CAMK1D: variants seen among roughly 807,000 people sequenced by gnomAD.
CAMK1D encodes the protein calcium/calmodulin-dependent protein kinase type 1D.
CAMK1D carries 9 observed loss-of-function variants against 47.7 expected under a neutral mutation model. That is an observed-to-expected ratio of 0.19 (90% CI 0.11 to 0.33). The LOEUF is 0.33. Among genes scored for constraint, CAMK1D ranks in the 10% least tolerant of loss-of-function variants. The probability of loss-of-function intolerance (pLI) is 1.00; values close to 1 mark genes in which losing one functional copy is unlikely to be tolerated. For missense variants in CAMK1D, 291 were observed against 488.7 expected (o/e 0.60, Z 3.81); for synonymous variants, 184 against 184.9 (o/e 0.99, Z 0.04).
At chr10:12,736,202 C>T (rs1432776180) in intron 3 of CAMK1D, among the ~76,000 whole-genome samples, 2 of 152,244 alleles carry the variant, frequency 1.3e-5, no homozygotes, top group Non-Finnish European at 2.9e-5. Flanking sequence ...ACCATGCTCA[C>T]TTGCCTCCTC....
At chr10:12,636,528 C>G (rs1164745028) in intron 2 of CAMK1D, among the ~76,000 whole-genome samples, 2 of 152,154 alleles carry the variant, frequency 1.3e-5, no homozygotes, top group Non-Finnish European at 2.9e-5. Flanking sequence ...CAGTCTCACT[C>G]TGTTGCCCAG....
At chr10:12,655,513 G>A (rs1226801889) in intron 2 of CAMK1D, among the ~76,000 whole-genome samples, 2 of 152,140 alleles carry the variant, frequency 1.3e-5, no homozygotes, top group South Asian at 2.1e-4. Context: ...TTTCATTCTG[G>A]TGTGTAGCTT....
At chr10:12,594,082 A>G (rs767951300) in intron 2 of CAMK1D, among the ~76,000 whole-genome samples, 2 of 152,194 alleles carry the variant, frequency 1.3e-5, no homozygotes, top group Non-Finnish European at 2.9e-5. Context: ...AGGCTGAGGC[A>G]GGAGAATCAC....
chr10:12,751,166 T>G (rs1835966489), intron 3 of CAMK1D, among the ~76,000 whole-genome samples: 1 of 152,136 alleles, frequency 6.6e-6, no homozygotes, highest in African/African-American at 2.4e-5. Context: ...TCATGCTGCA[T>G]GCTTTGAGAA....
At chr10:12,691,359 A>T (rs1382529796) in intron 3 of CAMK1D, among the ~76,000 whole-genome samples, 3 of 5,850 alleles carry the variant, frequency 5.1e-4, no homozygotes, top group Non-Finnish European at 1.1e-3. Context: ...CTATATATAT[A>T]TATATATATA....
At chr10:12,751,861 A>C (rs2130879298) in intron 3 of CAMK1D, among the ~76,000 whole-genome samples, 1 of 152,346 alleles carries the variant, frequency 6.6e-6, no homozygotes, top group South Asian at 2.1e-4. Flanking sequence ...AAGTAAACCC[A>C]GAAGCCGCTG....
chr10:12,669,699 T>C (rs1465531134), intron 3 of CAMK1D, among the ~76,000 whole-genome samples: 2 of 152,176 alleles, frequency 1.3e-5, no homozygotes, highest in Non-Finnish European at 2.9e-5. Context: ...TCTTCCTCAT[T>C]CATGACCCTA....
At chr10:12,563,692 A>AGAGAGAGAGAGAGAGG (rs1564414480) in intron 2 of CAMK1D, among the ~76,000 whole-genome samples, 4 of 63,804 alleles carry the variant, frequency 6.3e-5, no homozygotes, top group Non-Finnish European at 1.6e-4. Context: ...AGAGAGAGAG[A>AGAGAGAGAGAGAGAGG]GAGAGAGGGA....
rs768038857 is a variant in CAMK1D, at chr10:12,423,426, G to C, written c.92+73516G>C. On this transcript the variant is annotated intron_variant, in intron 1 of 10. Transcript: ENST00000619168. ...GTTGCCTAGGAGGCTGAGGTGGAAG[G>C]ATCACTTGAGCCCAGGAGGTTGAAG... is the stretch of plus-strand genomic sequence containing the variant. Among the ~76,000 whole-genome samples, 7 of 152,066 alleles carry C rather than the reference G, an allele frequency of 4.6e-5. 1 individual carries two copies. The highest frequency in any genetic ancestry group is 1.0e-4 in the Non-Finnish European group (7 of 68,024).
intron 3 of CAMK1D, among the ~76,000 whole-genome samples, chr10:12,714,574 C>G (rs1466390056): frequency 6.6e-6 from 1 of 152,020 alleles, no homozygotes; most frequent in African/African-American, 2.4e-5. Context: ...AAAAAATTAG[C>G]TGGGCTTGGT....
intron 8 of CAMK1D, among the ~76,000 whole-genome samples, chr10:12,822,452 A>T (rs903060893): frequency 5.9e-5 from 9 of 152,198 alleles, no homozygotes; most frequent in African/African-American, 2.2e-4. Flanking sequence ...GCCCATGTGA[A>T]CCCACAGATA....
chr10:12,584,801 C>T (rs937255159), intron 2 of CAMK1D, among the ~76,000 whole-genome samples: 2 of 152,044 alleles, frequency 1.3e-5, no homozygotes, highest in Non-Finnish European at 2.9e-5. Context: ...GCCTGGGTGA[C>T]AGAGCAAGAC....
rs746912134 is a variant in CAMK1D, at chr10:12,816,292, A to G, written c.797A>G (p.Lys266Arg). 3.1e-6 allele frequency: 5 copies of G among 1,613,856 alleles called. No individual in the cohort carries two copies. In the Admixed American group the frequency reaches 6.7e-5, roughly 22 times the overall value. Residue 266 changes from lysine (K) to arginine (R), a missense_variant, in exon 8 of 11, where the codon AAA becomes AGA. By Grantham distance (26) the Lys-to-Arg change is conservative. Coordinates refer to ENST00000619168, the MANE Select transcript of CAMK1D (RefSeq NM_153498.4). ...AACCTGATGGAGAAGGACCCGAATAAAAGATACACGTGTGAGCAGGCAGCT... is the reference window on the plus strand; with the variant it reads ...AACCTGATGGAGAAGGACCCGAATAGAAGATACACGTGTGAGCAGGCAGCT... ...IRNLMEKDPNKRYTCEQAARH... is the reference protein window; with the variant it reads ...IRNLMEKDPNRRYTCEQAARH...
chr10:12,785,631 C>T (rs549029916), intron 5 of CAMK1D, among the ~76,000 whole-genome samples: 2 of 152,268 alleles, frequency 1.3e-5, no homozygotes, highest in East Asian at 1.9e-4. Context: ...TCTGGAAACT[C>T]GTTGGTCTTC....
chr10:12,721,300 T>C (rs751725452), intron 3 of CAMK1D, among the ~76,000 whole-genome samples: 8 of 152,248 alleles, frequency 5.3e-5, no homozygotes, highest in Non-Finnish European at 1.0e-4. Flanking sequence ...GGGCTAGCAA[T>C]TTCTTCACTT....
At position 12,482,299 on chromosome 10, in the gene CAMK1D, A is replaced by T. The variant is rs532368346; in HGVS notation, c.93-70926A>T. ...GAAGCTGGGGGTGGTTCTGGAGGGAATGAGGCCCTTCCCGCAGGTCACCTT... is the reference window on the plus strand; with the variant it reads ...GAAGCTGGGGGTGGTTCTGGAGGGATTGAGGCCCTTCCCGCAGGTCACCTT... On this transcript the variant is annotated intron_variant, in intron 1 of 10. Transcript: ENST00000619168. Among the ~76,000 whole-genome samples the T allele has an allele frequency of 1.2e-3, 184 of 152,270 alleles. 3 individuals carry two copies. The highest frequency in any genetic ancestry group is 9.9e-3 in the South Asian group (48 of 4,830).
chr10:12,532,359 A>G (rs915398545), intron 1 of CAMK1D, among the ~76,000 whole-genome samples: 1 of 150,030 alleles, frequency 6.7e-6, no homozygotes, highest in African/African-American at 2.4e-5. Context: ...GGCTCACTGC[A>G]AGCTCCGCCT....
At chr10:12,350,402 A>C (rs1393376453) in intron 1 of CAMK1D, among the ~76,000 whole-genome samples, 1 of 152,224 alleles carries the variant, frequency 6.6e-6, no homozygotes, top group African/African-American at 2.4e-5. Flanking sequence ...AGGTGTAGGC[A>C]AGACTTTGGG....
intron 1 of CAMK1D, among the ~76,000 whole-genome samples, chr10:12,527,410 A>G (rs577741718): frequency 7.5e-6 from 1 of 133,272 alleles, no homozygotes; most frequent in South Asian, 2.4e-4. Context: ...GCTGGAGTGC[A>G]GTGGTGTGAT....
Sources: allele counts gnomAD v4.1 joint callset (sites outside exome capture counted in the v4.1 genomes callset), GRCh38; gene constraint gnomAD v4.1.1; transcripts MANE v1.5; gene names NCBI Gene and HGNC (gene_info 2026-07-23, HGNC 2026-07-21).